Variants in SCAF1 observed in about 807,000 individuals in gnomAD.
SCAF1 encodes the protein splicing factor, arginine/serine-rich 19.
Under a neutral mutation model 91.2 loss-of-function variants are expected in SCAF1, and 28 were observed. The observed-to-expected ratio is 0.31, with a 90% confidence interval of 0.23 to 0.42. The LOEUF (loss-of-function observed/expected upper bound fraction) is 0.42. Among genes scored for constraint, SCAF1 ranks in the 10% least tolerant of loss-of-function variants. The pLI is 1.00. For missense variants in SCAF1, 1,893 were observed against 1,872.1 expected, an observed-to-expected ratio of 1.01 and a Z score of -0.21; for synonymous variants, 1,036 against 833.7, an observed-to-expected ratio of 1.24 and a Z score of -4.18.
At chr19:49,648,925 G>A (rs1410565424) in intron 6 of SCAF1, among the ~76,000 whole-genome samples, 4 of 149,376 alleles carry the variant, frequency 2.7e-5, no homozygotes, top group Admixed American at 6.7e-5. Flanking sequence ...AGCTGAGATC[G>A]TGCCACTGCA....
rs753735532 is a variant in SCAF1 at position 49,652,775 on chromosome 19, C to G, written c.2386C>G (p.Arg796Gly). 6.2e-7 allele frequency: 1 copy of G among 1,613,032 alleles called. No homozygotes were observed. The highest frequency in any genetic ancestry group is 2.2e-5 in the East Asian group (1 of 44,844). ...CAGGGACAGGTCATCCAAGAAGGCC[C>G]GGCCCCCCAAGGAGTCGGCGCCTTC... Reference protein sequence around the residue: ...RDRDRSSKKARPPKESAPSSG... With the variant: ...RDRDRSSKKAGPPKESAPSSG... The change falls in exon 7 of 11, where the codon CGG (arginine) becomes GGG (glycine). Residue 796 changes from arginine (R) to glycine (G), a missense_variant. By Grantham distance (125) the Arg-to-Gly change is moderately radical. Around this residue, in one of 5 missense-constraint regions of SCAF1, gnomAD observed 1,436 missense variants for 1,306.8 expected, o/e 1.10. Coordinates refer to ENST00000360565, the MANE Select transcript of SCAF1 (RefSeq NM_021228.3).
chr19:49,651,922 T>C lies in SCAF1; in HGVS notation c.1533T>C (p.Ala511=). The C allele has an allele frequency of 1.7e-6, 2 of 1,156,800 alleles. No homozygotes were observed. Among genetic ancestry groups the C allele is most frequent in the South Asian group, 4.3e-5 (2 of 46,688 alleles). 71.7% of individuals were successfully genotyped at this position (1,156,800 alleles called of 1,614,324 possible). Residue 511 remains alanine, a synonymous_variant, in exon 7 of 11, where the codon GCT becomes GCC. Coordinates refer to ENST00000360565, the MANE Select transcript of SCAF1 (RefSeq NM_021228.3). ...CCGCGCCCGCCCCGGCCGCCGCTGCTGGTCCGCCCACGCGCAAGAAGTCCA... is the reference window on the plus strand; with the variant it reads ...CCGCGCCCGCCCCGGCCGCCGCTGCCGGTCCGCCCACGCGCAAGAAGTCCA... The part of the protein sequence containing the change: ...PAPAPAPAAA[A]GPPTRKKSRR...
In SCAF1 at chr19:49,648,568, C is replaced by A. The variant is rs922369612; in HGVS notation, c.478+1738C>A. 4.6e-5 allele frequency among the ~76,000 whole-genome samples: 7 copies of A among 150,998 alleles called. No individual in the cohort carries two copies. The South Asian group carries it at 6.4e-4, about 14-fold the overall frequency. The stretch of plus-strand genomic sequence containing the variant: ...GCCACCATGCCTGCCACACCCCCCC[C>A]CCTTTTTTTTTAACAGCTGGAAATG... On this transcript the variant is annotated intron_variant, in intron 6 of 10. Transcript: ENST00000360565.
chr19:49,658,551 C>T lies in SCAF1; in HGVS notation c.*152C>T. 1 of 616,102 alleles carries T rather than the reference C, an allele frequency of 1.6e-6. No homozygotes were observed. The highest frequency in any genetic ancestry group is 1.9e-5 in the South Asian group (1 of 51,480). 38.2% of individuals were successfully genotyped at this position (616,102 alleles called of 1,614,324 possible). A position where few individuals can be genotyped will look rare whatever the true frequency, so the allele number is the denominator to read the frequency against. On this transcript the variant is annotated 3_prime_UTR_variant, in exon 11 of 11. Coordinates refer to ENST00000360565, the MANE Select transcript of SCAF1 (RefSeq NM_021228.3). ...CCCCCTGCCCTGCCCTGCCCCGTGT[C>T]CACCTCCCTTGCCCCCAAGCCTGTC...
Position 49,650,891 on chromosome 19 carries a change from A to G in SCAF1, c.502A>G (p.Arg168Gly). The change falls in exon 7 of 11, where the codon AGG becomes GGG. Residue 168 changes from arginine (R) to glycine (G), a missense_variant. Physicochemically the swap from Arg to Gly is moderately radical, Grantham distance 125. Transcript: ENST00000360565. The part of the protein sequence containing the change: ...KTVSPQSNSS[R>G]PTCARHLTLG... Reference sequence around the variant, plus strand: ...AGTTTCTCCACAGTCGAACTCCTCTAGGCCCACCTGTGCCCGTCACCTCAC... The same window carrying G: ...AGTTTCTCCACAGTCGAACTCCTCTGGGCCCACCTGTGCCCGTCACCTCAC... 6.2e-7 allele frequency: 1 copy of G among 1,610,698 alleles called. No homozygotes were observed. Among genetic ancestry groups the G allele is most frequent in the South Asian group, 1.1e-5 (1 of 90,626 alleles).
rs939422651 is a variant in SCAF1 at position 49,653,091 on chromosome 19, A to C, written c.2702A>C (p.Lys901Thr). 1 of 1,613,080 alleles carries C rather than the reference A, an allele frequency of 6.2e-7. No individual in the cohort carries two copies. The highest frequency in any genetic ancestry group is 8.5e-7 in the Non-Finnish European group (1 of 1,179,558). ...GGCAGCACCAAGCCCAAAAAGACCA[A>C]GGTCAAGGCCAAGGCAGGGGCCAAG... ...APGSTKPKKTKVKAKAGAKKT... is the reference protein window; with the variant it reads ...APGSTKPKKTTVKAKAGAKKT... The change falls in exon 7 of 11, where the codon AAG (lysine) becomes ACG (threonine). Residue 901 changes from lysine (K) to threonine (T), a missense_variant. This residue lies in a region of SCAF1 where 1,436 missense variants were observed against 1,306.8 expected (regional missense o/e 1.10). Transcript: ENST00000360565.
Position 49,651,736 on chromosome 19 carries a change from G to A in SCAF1, c.1347G>A (p.Leu449=), listed in dbSNP as rs1332546392. Residue 449 remains leucine (L), a synonymous_variant, in exon 7 of 11, where the codon CTG becomes CTA. Transcript: ENST00000360565. Reference sequence around the variant, plus strand: ...CCGAGGGGGACGACTTCTTGTCCCTGCATGCGGAGTCGGACGGCGAGGGCG... The same window carrying A: ...CCGAGGGGGACGACTTCTTGTCCCTACATGCGGAGTCGGACGGCGAGGGCG... ...RAPEGDDFLS[L]HAESDGEGAL... is the part of the protein sequence containing the mutation. 4 of 1,361,876 alleles carry A rather than the reference G, an allele frequency of 2.9e-6. No individual in the cohort carries two copies. In the East Asian group the frequency reaches 1.3e-4, roughly 43 times the overall value. 84.4% of individuals were successfully genotyped at this position (1,361,876 alleles called of 1,614,324 possible). A position where few individuals can be genotyped will look rare whatever the true frequency, so the allele number is the denominator to read the frequency against.
Position 49,646,441 on chromosome 19 carries a change from C to T in SCAF1, c.262-85C>T. On this transcript the variant is annotated intron_variant, in intron 4 of 10. Coordinates refer to ENST00000360565, the MANE Select transcript of SCAF1 (RefSeq NM_021228.3). The surrounding 1 kb of genome is among the most constrained non-coding windows in gnomAD (Gnocchi z 5.6). ...CTTGGGGATCTTAGATGTCTGGGTT[C>T]CTGAGAGGTTAGGGAGTGGGGAAGC... 8.3e-7 allele frequency: 1 copy of T among 1,204,368 alleles called. No individual in the cohort carries two copies. The highest frequency in any genetic ancestry group is 1.7e-5 in the Admixed American group (1 of 57,518). 74.6% of individuals were successfully genotyped at this position (1,204,368 alleles called of 1,614,324 possible). A position where few individuals can be genotyped will look rare whatever the true frequency, so the allele number is the denominator to read the frequency against.
chr19:49,657,879 C>G lies in SCAF1; in HGVS notation c.3737C>G (p.Ala1246Gly). Residue 1246 changes from alanine (A) to glycine (G), a missense_variant, in exon 10 of 11, where the codon GCC becomes GGC. Physicochemically the swap from Ala to Gly is moderately conservative, Grantham distance 60. Around this residue, in one of 5 missense-constraint regions of SCAF1, gnomAD observed 56 missense variants for 106.3 expected, o/e 0.53. Transcript: ENST00000360565. Reference protein sequence around the residue: ...KEEYKDILRKAVHKICHSKSG... With the variant: ...KEEYKDILRKGVHKICHSKSG... ...GAGTACAAGGACATCCTGAGGAAGGCCGTCCACAAGGTGGGCACCCGGAGA... is the reference window on the plus strand; with the variant it reads ...GAGTACAAGGACATCCTGAGGAAGGGCGTCCACAAGGTGGGCACCCGGAGA... 6.2e-7 allele frequency: 1 copy of G among 1,611,138 alleles called. No homozygotes were observed. The highest frequency in any genetic ancestry group is 8.5e-7 in the Non-Finnish European group (1 of 1,178,640).
chr19:49,654,504 G>C, intron 8 of SCAF1, 73 bp downstream of exon 8: 3 of 1,468,486 alleles, frequency 2.0e-6, no homozygotes, highest in South Asian at 1.2e-5. Flanking sequence ...GAGGAACCGC[G>C]GGCCTGGCAG....
chr19:49,656,279 A>G (rs919097565), intron 9 of SCAF1, among the ~76,000 whole-genome samples: 2 of 152,066 alleles, frequency 1.3e-5, no homozygotes, highest in African/African-American at 4.8e-5. Context: ...AGAGACCCAC[A>G]TCCTGTGGGG....
At position 49,650,953 on chromosome 19, in the gene SCAF1, T is replaced by TCCC; in HGVS notation, c.564_565insCCC (p.Pro188dup). On this transcript the variant is annotated inframe_insertion, in exon 7 of 11. Coordinates refer to ENST00000360565, the MANE Select transcript of SCAF1 (RefSeq NM_021228.3). ...GAGACGGGGGCCCTGCCCCACCCCC[T>TCCC]GCCCCCTCCTCTGCATCCTCCTCCC... 1.4e-6 allele frequency: 1 copy of TCCC among 692,938 alleles called. No homozygotes were observed. The highest frequency in any genetic ancestry group is 2.5e-5 in the South Asian group (1 of 40,804). 42.9% of individuals were successfully genotyped at this position (692,938 alleles called of 1,614,324 possible).
chr19:49,650,862 T>C lies in SCAF1; in HGVS notation c.479-6T>C. On this transcript the variant is annotated splice_polypyrimidine_tract_variant and splice_region_variant and intron_variant, in intron 6 of 10. Transcript: ENST00000360565. ...TGACCGCCTCTCTCTCCCTGTTCCT[T>C]TGCAGTTTCTCCACAGTCGAACTCC... 1 of 1,606,408 alleles carries C rather than the reference T, an allele frequency of 6.2e-7. No individual in the cohort carries two copies. Among genetic ancestry groups the C allele is most frequent in the Non-Finnish European group, 8.5e-7 (1 of 1,175,998 alleles).
Position 49,652,215 on chromosome 19 carries a change from G to GA in SCAF1, c.1826_1827insA (p.Arg610AlafsTer43). On this transcript the variant is annotated frameshift_variant, in exon 7 of 11. Coordinates refer to ENST00000360565, the MANE Select transcript of SCAF1 (RefSeq NM_021228.3). LOFTEE classifies it high-confidence loss of function. Reference sequence around the variant, plus strand: ...CGGTCCCGGGAGAAGCGGCGACGGCGGCGGCGCTCCGCCTCCCCGCCCCCG... The same window carrying GA: ...CGGTCCCGGGAGAAGCGGCGACGGCGAGCGGCGCTCCGCCTCCCCGCCCCCG... 1 of 1,330,572 alleles carries GA rather than the reference G, an allele frequency of 7.5e-7. No homozygotes were observed. Among genetic ancestry groups the GA allele is most frequent in the Non-Finnish European group, 9.6e-7 (1 of 1,043,342 alleles). The allele number at this position is 1,330,572 out of a possible 1,614,324, so 82.4% of individuals were successfully genotyped here.
chr19:49,649,714 C>T (rs898624387), intron 6 of SCAF1, among the ~76,000 whole-genome samples: 4 of 151,982 alleles, frequency 2.6e-5, no homozygotes, highest in Admixed American at 6.5e-5. Context: ...AGGCTGGTCT[C>T]GAACTCCCAA....
rs915016702 is a variant in SCAF1 at position 49,651,513 on chromosome 19, G to A, written c.1124G>A (p.Gly375Asp). ...GTCTCGGTGGAGGTGGTGACCGCTG[G>A]TGGAGCCGCCCTCCCGCCGCCCCTG... ...GKVSVEVVTA[G>D]GAALPPPLLP... The change falls in exon 7 of 11, where the codon GGT becomes GAT. Residue 375 changes from glycine (G) to aspartate (D), a missense_variant. Around this residue, in one of 5 missense-constraint regions of SCAF1, gnomAD observed 1,436 missense variants for 1,306.8 expected, o/e 1.10. Transcript: ENST00000360565. 24 of 1,572,828 alleles carry A rather than the reference G, an allele frequency of 1.5e-5. No homozygotes were observed. The highest frequency in any genetic ancestry group is 2.1e-5 in the Non-Finnish European group (24 of 1,161,820).
At position 49,652,961 on chromosome 19, in the gene SCAF1, G is replaced by A. The variant is rs768234203; in HGVS notation, c.2572G>A (p.Gly858Ser). ...CCCGGCCAAGGATGCCGCGTCAGCC[G>A]GCCTGGGCTCCATTGGCGTCAAATT... ...TTPAKDAASA[G>S]LGSIGVKFSR... Residue 858 changes from glycine (G) to serine (S), a missense_variant, in exon 7 of 11, where the codon GGC (glycine) becomes AGC (serine). By Grantham distance (56) the Gly-to-Ser change is moderately conservative (BLOSUM62 0). Transcript: ENST00000360565. The A allele has an allele frequency of 1.2e-6, 2 of 1,613,782 alleles. No individual in the cohort carries two copies. Among genetic ancestry groups the A allele is most frequent in the Admixed American group, 3.3e-5 (2 of 59,984 alleles).
At chr19:49,650,786 A>C in intron 6 of SCAF1, 82 bp from the exon 7 acceptor site, 3 of 1,087,064 alleles carry the variant, frequency 2.8e-6, no homozygotes, top group Non-Finnish European at 4.0e-6. Flanking sequence ...TGGCCCAGGG[A>C]GTGTCCACGG....
In SCAF1 at chr19:49,657,906, A is replaced by AG; in HGVS notation, c.3747+21dup. 1 of 1,609,460 alleles carries AG rather than the reference A, an allele frequency of 6.2e-7. No individual in the cohort carries two copies. The highest frequency in any genetic ancestry group is 8.5e-7 in the Non-Finnish European group (1 of 1,177,862). Reference sequence around the variant, plus strand: ...GTCCACAAGGTGGGCACCCGGAGAGAGGGGCAGACACAGGCCGGGGAGAGA... The same window carrying AG: ...GTCCACAAGGTGGGCACCCGGAGAGAGGGGGCAGACACAGGCCGGGGAGAGA... On this transcript the variant is annotated intron_variant, in intron 10 of 10. Coordinates refer to ENST00000360565, the MANE Select transcript of SCAF1 (RefSeq NM_021228.3).
Sources: allele counts gnomAD v4.1 joint callset (sites outside exome capture counted in the v4.1 genomes callset), GRCh38; gene constraint gnomAD v4.1.1; regional missense constraint gnomAD v4.1.1; non-coding constraint Gnocchi (gnomAD v3.1); transcripts MANE v1.5; gene names NCBI Gene and HGNC (gene_info 2026-07-23, HGNC 2026-07-21).